ARHGEF3: variants seen among roughly 807,000 people sequenced by gnomAD.
ARHGEF3 encodes the protein Rho guanine nucleotide exchange factor 3, also known as 59.8 kDA protein.
Under a neutral mutation model 63.2 loss-of-function variants are expected in ARHGEF3, and 28 were observed. The observed-to-expected ratio is 0.44, with a 90% CI of 0.33 to 0.61. The LOEUF (loss-of-function observed/expected upper bound fraction) is 0.61. Ranked by LOEUF, ARHGEF3 falls within the 20% of genes least tolerant of loss-of-function variation. The pLI is 0.03. For missense variants in ARHGEF3, 533 were observed against 659.3 expected, an observed-to-expected ratio of 0.81 and a Z score of 2.10; for synonymous variants, 266 against 254.2, an observed-to-expected ratio of 1.05 and a Z score of -0.44.
chr3:56,892,728 C>T (rs1433755431), intron 3 of ARHGEF3, among the ~76,000 whole-genome samples: 1 of 152,214 alleles, frequency 6.6e-6, no homozygotes, highest in East Asian at 1.9e-4. Flanking sequence ...TACTGGGAAC[C>T]TGAATTTACA....
intron 3 of ARHGEF3, chr3:56,940,722 C>T (rs1699138101): frequency 6.6e-6 from 1 of 151,976 alleles, no homozygotes; most frequent in Non-Finnish European, 1.5e-5. Context: ...CTGTTAAATA[C>T]TTATCTTTAG....
intron 4 of ARHGEF3, among the ~76,000 whole-genome samples, chr3:56,845,061 C>A (rs1320905878): frequency 6.6e-6 from 1 of 152,218 alleles, no homozygotes; most frequent in Admixed American, 6.5e-5. Context: ...AAAGTGGCCT[C>A]CTGGAGCTGA....
At chr3:56,930,918 G>A (rs553763071) in intron 3 of ARHGEF3, among the ~76,000 whole-genome samples, 1 of 152,128 alleles carries the variant, frequency 6.6e-6, no homozygotes, top group Non-Finnish European at 1.5e-5. Flanking sequence ...AGAGCGAATC[G>A]AGGACAAGTA....
chr3:56,938,093 G>C (rs1698988210), intron 3 of ARHGEF3, among the ~76,000 whole-genome samples: 1 of 152,202 alleles, frequency 6.6e-6, no homozygotes, highest in Non-Finnish European at 1.5e-5. Context: ...GGTGGTCCTT[G>C]CTGCTGCTAC....
chr3:57,025,235 C>T (rs757147129), intron 2 of ARHGEF3, among the ~76,000 whole-genome samples: 3 of 152,092 alleles, frequency 2.0e-5, no homozygotes, highest in Non-Finnish European at 2.9e-5. Flanking sequence ...AAAGGGGTTT[C>T]GGAGCAATGG....
chr3:56,916,632 T>C (rs973166400), intron 3 of ARHGEF3, among the ~76,000 whole-genome samples: 1 of 152,180 alleles, frequency 6.6e-6, no homozygotes, highest in Admixed American at 6.5e-5. Context: ...ATCCCCAGCC[T>C]GTAAGAGACA....
At chr3:57,029,525 G>C (rs957388569) in intron 2 of ARHGEF3, among the ~76,000 whole-genome samples, 18 of 152,266 alleles carry the variant, frequency 1.2e-4, no homozygotes, top group Non-Finnish European at 2.2e-4. Flanking sequence ...TCCCTGGGGT[G>C]ATCTCTACAG....
chr3:56,781,241 G>A (rs1209772317), intron 1 of ARHGEF3, among the ~76,000 whole-genome samples: 1 of 142,094 alleles, frequency 7.0e-6, no homozygotes, highest in Non-Finnish European at 1.5e-5. Flanking sequence ...ATTTTCTTTT[G>A]TCTTTTTTTT....
At chr3:56,883,561 T>C (rs1232162616) in intron 3 of ARHGEF3, among the ~76,000 whole-genome samples, 1 of 152,240 alleles carries the variant, frequency 6.6e-6, no homozygotes, top group African/African-American at 2.4e-5. Flanking sequence ...CCTCCCAAAA[T>C]GCTGGGATTA....
chr3:56,844,354 G>A (rs1213716201), intron 4 of ARHGEF3, among the ~76,000 whole-genome samples: 1 of 152,118 alleles, frequency 6.6e-6, no homozygotes, highest in African/African-American at 2.4e-5. Context: ...CTTTTCTTAT[G>A]ACTTATTGTT....
intron 3 of ARHGEF3, among the ~76,000 whole-genome samples, chr3:56,941,961 T>C (rs577510126): frequency 3.9e-5 from 6 of 152,314 alleles, no homozygotes; most frequent in Non-Finnish European, 8.8e-5. Context: ...CCAGACTGAC[T>C]GGGTTCAAAA....
At chr3:57,055,893 T>C (rs1166682202) in intron 1 of ARHGEF3, among the ~76,000 whole-genome samples, 4 of 152,204 alleles carry the variant, frequency 2.6e-5, no homozygotes, top group Non-Finnish European at 5.9e-5. Context: ...TTTTGACAAC[T>C]GCACATGAGT....
At chr3:56,779,385 T>C (rs565332722) in intron 1 of ARHGEF3, among the ~76,000 whole-genome samples, 92 of 152,302 alleles carry the variant, frequency 6.0e-4, no homozygotes, top group Non-Finnish European at 1.2e-3. Flanking sequence ...TTGTCAAAGC[T>C]AGGTGCAGGG....
chr3:56,916,161 G>A (rs978931227), intron 3 of ARHGEF3: 1 of 1,094,916 alleles, frequency 9.1e-7, no homozygotes, highest in African/African-American at 1.6e-5. Context: ...ATCATCCCAG[G>A]TGCTTTTAAC....
intron 2 of ARHGEF3, among the ~76,000 whole-genome samples, chr3:57,031,505 C>G (rs1459396533): frequency 6.6e-6 from 1 of 152,150 alleles, no homozygotes; most frequent in Non-Finnish European, 1.5e-5. Context: ...CCCCACTGAC[C>G]AGCATAGATT....
chr3:56,929,507 AC>A (rs1366415972), intron 3 of ARHGEF3, among the ~76,000 whole-genome samples: 5 of 152,170 alleles, frequency 3.3e-5, no homozygotes. Flanking sequence ...AAATGCAGCT[AC>A]TGCTTCAGGT....
At chr3:57,074,483 C>G (rs1224555689) in intron 1 of ARHGEF3, 1 of 588,476 alleles carries the variant, frequency 1.7e-6, no homozygotes, top group South Asian at 2.2e-5. Context: ...GGTTAAGTTA[C>G]TGGCACAAGG....
intron 1 of ARHGEF3, among the ~76,000 whole-genome samples, chr3:56,801,277 G>A (rs2037635123): frequency 6.6e-6 from 1 of 152,142 alleles, no homozygotes; most frequent in African/African-American, 2.4e-5. Flanking sequence ...TCACAACCCA[G>A]GCAAAAAAAA....
intron 2 of ARHGEF3, among the ~76,000 whole-genome samples, chr3:56,996,884 A>ATTT (rs1197687007): frequency 1.7e-3 from 179 of 105,840 alleles, no homozygotes; most frequent in African/African-American, 5.2e-3. Context: ...TATTATTATT[A>ATTT]TTATTATTTT....
Sources: allele counts gnomAD v4.1 joint callset (sites outside exome capture counted in the v4.1 genomes callset), GRCh38; gene constraint gnomAD v4.1.1; transcripts MANE v1.5; gene names NCBI Gene and HGNC (gene_info 2026-07-23, HGNC 2026-07-21).